Variants in CSTPP1 observed in about 807,000 individuals in gnomAD.
CSTPP1 encodes centriolar satellite-associated tubulin polyglutamylase complex regulator 1, also known as UPF0705 protein C11orf49.
chr11:46,943,496 T>G, the CSTPP1 span, among the ~76,000 whole-genome samples: 1 of 152,224 alleles, frequency 6.6e-6, no homozygotes, highest in South Asian at 2.1e-4. Context: ...GTGTCTTCAT[T>G]TAACATTTCT....
At chr11:47,036,834 C>G in the CSTPP1 span, among the ~76,000 whole-genome samples, 4 of 126,890 alleles carry the variant, frequency 3.2e-5, 1 homozygote, top group Non-Finnish European at 7.5e-5. Flanking sequence ...AGTGCCACCA[C>G]GCCCAGCTAA....
At chr11:47,071,913 C>T in the CSTPP1 span, among the ~76,000 whole-genome samples, 1 of 152,214 alleles carries the variant, frequency 6.6e-6, no homozygotes, top group Admixed American at 6.5e-5. Flanking sequence ...GCACACACTT[C>T]CCCTGCAGGC....
At chr11:46,987,972 CA>C in the CSTPP1 span, 9 of 152,252 alleles carry the variant, frequency 5.9e-5, no homozygotes, top group Admixed American at 5.9e-4. Context: ...TGCTCAACAT[CA>C]TTGATCATCA....
the CSTPP1 span, among the ~76,000 whole-genome samples, chr11:47,077,859 T>C: frequency 6.6e-6 from 1 of 152,182 alleles, no homozygotes; most frequent in Non-Finnish European, 1.5e-5. Flanking sequence ...TAGGGTTTAA[T>C]ACTTCAGTTG....
the CSTPP1 span, among the ~76,000 whole-genome samples, chr11:47,070,277 A>C: frequency 6.6e-6 from 1 of 152,154 alleles, no homozygotes; most frequent in Admixed American, 6.5e-5. Flanking sequence ...GGAGAGAGAG[A>C]GAGAGAGAGA....
the CSTPP1 span, among the ~76,000 whole-genome samples, chr11:46,990,049 A>T: frequency 6.6e-6 from 1 of 152,174 alleles, no homozygotes; most frequent in South Asian, 2.1e-4. Context: ...GTTCACCTTG[A>T]TGGGCACCTA....
chr11:47,033,361 G>C, the CSTPP1 span, among the ~76,000 whole-genome samples: 1 of 152,200 alleles, frequency 6.6e-6, no homozygotes, highest in Non-Finnish European at 1.5e-5. Context: ...GTCTTGAATA[G>C]TTGGAACTCT....
At chr11:47,041,521 A>C in the CSTPP1 span, 5 of 377,108 alleles carry the variant, frequency 1.3e-5, 2 homozygotes, top group Non-Finnish European at 2.7e-5. Flanking sequence ...AACCACCACC[A>C]CTGAGAAGTT....
At chr11:46,948,191 C>G in the CSTPP1 span, 50 of 455,840 alleles carry the variant, frequency 1.1e-4, 1 homozygote, top group Admixed American at 1.1e-3. Context: ...CAAAGAAGTT[C>G]AGCCCATGAG....
At chr11:47,159,425 G>A in the CSTPP1 span, among the ~76,000 whole-genome samples, 2 of 152,040 alleles carry the variant, frequency 1.3e-5, no homozygotes, top group Admixed American at 6.6e-5. Context: ...CATGAGAATC[G>A]GTTGAGCCCA....
chr11:46,960,989 G>T, the CSTPP1 span, among the ~76,000 whole-genome samples: 2 of 152,282 alleles, frequency 1.3e-5, no homozygotes, highest in East Asian at 3.9e-4. Context: ...TGGACCTTTG[G>T]ATTATTTTCA....
At chr11:47,077,155 T>C in the CSTPP1 span, among the ~76,000 whole-genome samples, 1,581 of 151,248 alleles carry the variant, frequency 0.01, 10 homozygotes, top group Non-Finnish European at 0.017. Flanking sequence ...CCTAGAATTC[T>C]GTACCAAACC....
At chr11:47,023,204 A>C in the CSTPP1 span, 1 of 152,236 alleles carries the variant, frequency 6.6e-6, no homozygotes, top group Non-Finnish European at 1.5e-5. Flanking sequence ...AGGCAATTCT[A>C]TGAATATACA....
At chr11:47,157,969 A>G in the CSTPP1 span, 3 of 1,536,912 alleles carry the variant, frequency 2.0e-6, no homozygotes, top group Non-Finnish European at 2.7e-6. Flanking sequence ...CGCACAACAC[A>G]GGGAGCAGCT....
chr11:47,038,860 T>C, the CSTPP1 span, among the ~76,000 whole-genome samples: 1 of 107,986 alleles, frequency 9.3e-6, no homozygotes, highest in Non-Finnish European at 2.2e-5. Flanking sequence ...TCCTCACTTC[T>C]CAGACGGGGC....
the CSTPP1 span, chr11:47,159,926 C>A: frequency 5.9e-6 from 2 of 337,762 alleles, no homozygotes; most frequent in African/African-American, 4.3e-5. Context: ...ATCACTTGAA[C>A]CAGGGAGGCG....
At chr11:46,989,888 A>T in the CSTPP1 span, among the ~76,000 whole-genome samples, 1 of 152,216 alleles carries the variant, frequency 6.6e-6, no homozygotes, top group East Asian at 1.9e-4. Context: ...ATAAGTGAGA[A>T]CATGTGGTAT....
At chr11:47,127,644 G>T in the CSTPP1 span, among the ~76,000 whole-genome samples, 4 of 151,760 alleles carry the variant, frequency 2.6e-5, no homozygotes, top group Non-Finnish European at 5.9e-5. Flanking sequence ...ACTGTTGATT[G>T]GATGCTTATC....
chr11:47,118,039 C>G, the CSTPP1 span, among the ~76,000 whole-genome samples: 2 of 151,932 alleles, frequency 1.3e-5, no homozygotes, highest in Admixed American at 6.6e-5. Flanking sequence ...GCCACCACGC[C>G]CAGCTAATTT....
Sources: allele counts gnomAD v4.1 joint callset (sites outside exome capture counted in the v4.1 genomes callset), GRCh38; gene constraint gnomAD v4.1.1; transcripts MANE v1.5; gene names NCBI Gene and HGNC (gene_info 2026-07-23, HGNC 2026-07-21).